XKR9: variants seen among roughly 807,000 people sequenced by gnomAD.
XKR9 encodes XK-related protein 9.
In XKR9, 32 loss-of-function variants were observed where a neutral mutation model predicts 32.0. The ratio of observed to expected loss-of-function variants is 1.00; its 90% CI spans 0.76 to 1.34. The LOEUF (loss-of-function observed/expected upper bound fraction) is 1.34, where lower values mean the gene tolerates loss of function less well. Ranked by LOEUF, XKR9 falls within the 40% of genes most tolerant of loss-of-function variation. The probability of loss-of-function intolerance (pLI) is 0.00; values close to 1 mark genes in which losing one functional copy is unlikely to be tolerated. For missense variants in XKR9, 546 were observed against 429.7 expected (o/e 1.27, Z -2.39); for synonymous variants, 168 against 143.4 (o/e 1.17, Z -1.22).
At chr8:70,773,352 T>C (rs563260265) in intron 2 of XKR9, among the ~76,000 whole-genome samples, 36 of 152,306 alleles carry the variant, frequency 2.4e-4, no homozygotes, top group African/African-American at 7.9e-4. Context: ...AATGATGGAT[T>C]CTGCCTGCAA....
the XKR9 span, among the ~76,000 whole-genome samples, chr8:71,016,628 C>G: frequency 1.3e-5 from 2 of 152,224 alleles, no homozygotes; most frequent in African/African-American, 4.8e-5. Flanking sequence ...TCCAGTTTGA[C>G]ACAAAACACA....
the XKR9 span, among the ~76,000 whole-genome samples, chr8:70,812,997 C>G: frequency 7.9e-5 from 12 of 152,048 alleles, no homozygotes; most frequent in Non-Finnish European, 1.8e-4. Flanking sequence ...CAATCCTAAG[C>G]CAAAAGAACA....
At chr8:70,929,099 G>A in the XKR9 span, among the ~76,000 whole-genome samples, 21 of 152,228 alleles carry the variant, frequency 1.4e-4, no homozygotes, top group Admixed American at 5.9e-4. Flanking sequence ...AACACAATAA[G>A]CTGCTCAACC....
the XKR9 span, among the ~76,000 whole-genome samples, chr8:70,858,515 A>G: frequency 6.6e-6 from 1 of 152,082 alleles, no homozygotes; most frequent in African/African-American, 2.4e-5. Context: ...AAATCTTAAA[A>G]TTGATATGTA....
At chr8:70,729,448 A>G (rs936293057) in intron 4 of XKR9, among the ~76,000 whole-genome samples, 1 of 152,206 alleles carries the variant, frequency 6.6e-6, no homozygotes, top group African/African-American at 2.4e-5. Context: ...CTTGATATTC[A>G]TGAACATTTC....
rs549926296 is a variant in XKR9 at position 70,749,587 on chromosome 8, G to A, written n.353-39752G>A. On this transcript the variant is annotated intron_variant and non_coding_transcript_variant, in intron 2 of 3. Coordinates refer to the XKR9 transcript ENST00000520273. ...TGCCTCACCTGGCATGCCTGGCTGT[G>A]CACAGTGGCTGGACCCATGCTTGCT... Among the ~76,000 whole-genome samples, 3 of 152,370 alleles carry A rather than the reference G, an allele frequency of 2.0e-5. No individual in the cohort carries two copies. The South Asian group carries it at 6.2e-4, about 32-fold the overall frequency.
At chr8:70,740,444 A>G (rs1229025827), downstream of XKR9, among the ~76,000 whole-genome samples, 4 of 151,950 alleles carry the variant, frequency 2.6e-5, no homozygotes, top group Admixed American at 6.6e-5. Context: ...TAGTTTGATC[A>G]TCTGAAGCCT....
intron 2 of XKR9, among the ~76,000 whole-genome samples, chr8:70,752,162 T>C (rs745621086): frequency 3.3e-5 from 5 of 152,238 alleles, no homozygotes; most frequent in Admixed American, 6.5e-5. Flanking sequence ...CTTCTGTTTA[T>C]AGATTTCCCT....
At chr8:70,851,515 C>T in the XKR9 span, among the ~76,000 whole-genome samples, 1 of 152,182 alleles carries the variant, frequency 6.6e-6, no homozygotes, top group South Asian at 2.1e-4. Context: ...AGACATCACA[C>T]TCCCTGACTT....
At chr8:70,758,571 A>G (rs1807262969) in intron 2 of XKR9, among the ~76,000 whole-genome samples, 1 of 152,226 alleles carries the variant, frequency 6.6e-6, no homozygotes. Flanking sequence ...GGGATTACCC[A>G]GATAATGTGG....
rs150958920 is a variant in XKR9, at chr8:70,734,088, A to T, written c.786A>T (p.Leu262Phe). Residue 262 changes from leucine (L) to phenylalanine (F), a missense_variant, in exon 5 of 5, where the codon TTA (leucine) becomes TTT (phenylalanine). Coordinates refer to ENST00000408926, the MANE Select transcript of XKR9 (RefSeq NM_001011720.2). Reference sequence around the variant, plus strand: ...GTACTTGTATAAGTATGGAATTCTTATATAGGATTGTTGTTGGATTCATTC... The same window carrying T: ...GTACTTGTATAAGTATGGAATTCTTTTATAGGATTGTTGTTGGATTCATTC... ...QFCTCISMEF[L>F]YRIVVGFILI... 1.2e-6 allele frequency: 2 copies of T among 1,612,912 alleles called. No homozygotes were observed. Among genetic ancestry groups the T allele is most frequent in the Non-Finnish European group, 1.7e-6 (2 of 1,179,176 alleles).
the XKR9 span, among the ~76,000 whole-genome samples, chr8:70,909,059 T>C: frequency 6.6e-6 from 1 of 152,210 alleles, no homozygotes; most frequent in Non-Finnish European, 1.5e-5. Context: ...TTAGGTTTTT[T>C]TATTACCTTG....
At chr8:70,755,029 A>C (rs901233519) in intron 2 of XKR9, among the ~76,000 whole-genome samples, 13 of 152,270 alleles carry the variant, frequency 8.5e-5, no homozygotes, top group African/African-American at 3.1e-4. Context: ...CAAAGGGCTA[A>C]TATCCAGAAT....
rs754362533 is a variant in XKR9, at chr8:70,734,148, T to TACCAAGTG, written c.847_854dup (p.Cys285Ter). ...CATTTTTTAATATTAAGGGACAGAA[T>TACCAAGTG]ACCAAGTGTCCAATGTCTTGTTATT... On this transcript the variant is annotated frameshift_variant, in exon 5 of 5. Coordinates refer to ENST00000408926, the MANE Select transcript of XKR9 (RefSeq NM_001011720.2). LOFTEE classifies it high-confidence loss of function. 5 of 1,612,372 alleles carry TACCAAGTG rather than the reference T, an allele frequency of 3.1e-6. No homozygotes were observed. The South Asian group carries it at 5.5e-5, about 18-fold the overall frequency.
At chr8:70,762,466 A>G (rs1163187093) in intron 2 of XKR9, among the ~76,000 whole-genome samples, 1 of 152,176 alleles carries the variant, frequency 6.6e-6, no homozygotes, top group Non-Finnish European at 1.5e-5. Context: ...TTAGATTCTC[A>G]TAGGAGCATG....
At chr8:70,856,365 CAA>C in the XKR9 span, among the ~76,000 whole-genome samples, 2 of 152,178 alleles carry the variant, frequency 1.3e-5, no homozygotes, top group Non-Finnish European at 2.9e-5. Flanking sequence ...CAACGAAGAT[CAA>C]AAGAGACAAG....
chr8:70,994,487 A>G, the XKR9 span, among the ~76,000 whole-genome samples: 1 of 152,054 alleles, frequency 6.6e-6, no homozygotes, highest in Admixed American at 6.5e-5. Context: ...ATTCTTCTAT[A>G]AATACATTTT....
At chr8:70,870,867 T>C in the XKR9 span, among the ~76,000 whole-genome samples, 1 of 152,198 alleles carries the variant, frequency 6.6e-6, no homozygotes, top group East Asian at 1.9e-4. Flanking sequence ...TCTAAAAGTC[T>C]TAATAACAAA....
chr8:70,779,321 A>G (rs1303474623), intron 2 of XKR9, among the ~76,000 whole-genome samples: 1 of 152,184 alleles, frequency 6.6e-6, no homozygotes, highest in Non-Finnish European at 1.5e-5. Flanking sequence ...GTGGTGGATA[A>G]GCTTTTTGAT....
Sources: gnomAD v4.1 joint callset for allele counts (sites outside exome capture counted in the v4.1 genomes callset) on GRCh38, gnomAD v4.1.1 for gene constraint, MANE v1.5 for transcripts, NCBI Gene and HGNC (gene_info 2026-07-23, HGNC 2026-07-21) for gene names.